Variants in TNKS observed in about 807,000 individuals in gnomAD.
The protein encoded by TNKS is tankyrase.
In TNKS, 72 loss-of-function variants were observed where a neutral mutation model predicts 135.8. That is an observed-to-expected ratio of 0.53 (90% CI 0.44 to 0.64). TNKS has a LOEUF of 0.64. Ranked by LOEUF, TNKS falls within the 30% of genes least tolerant of loss-of-function variation. TNKS has a pLI of 0.00. For missense variants in TNKS, 1,769 were observed against 1,674.0 expected, an observed-to-expected ratio of 1.06 and a Z score of -0.99; for synonymous variants, 849 against 649.3, an observed-to-expected ratio of 1.31 and a Z score of -4.68.
chr8:9,693,769 A>T (rs1031989030), intron 5 of TNKS, among the ~76,000 whole-genome samples: 1 of 152,338 alleles, frequency 6.6e-6, no homozygotes, highest in South Asian at 2.1e-4. Context: ...ACATTGAACA[A>T]TCTTACTACT....
intron 3 of TNKS, among the ~76,000 whole-genome samples, chr8:9,621,520 A>G (rs369386071): frequency 2.6e-5 from 4 of 152,002 alleles, no homozygotes; most frequent in African/African-American, 9.7e-5. Flanking sequence ...TGGTCAGGCT[A>G]GTCTCGAACT....
chr8:9,602,666 T>G (rs1281554831), intron 2 of TNKS, among the ~76,000 whole-genome samples: 1 of 152,232 alleles, frequency 6.6e-6, no homozygotes, highest in Non-Finnish European at 1.5e-5. Context: ...AGACTCTATA[T>G]TTTAGAGTAG....
chr8:9,630,067 C>G (rs1376563563), intron 3 of TNKS, among the ~76,000 whole-genome samples: 2 of 152,188 alleles, frequency 1.3e-5, no homozygotes, highest in Admixed American at 6.5e-5. Flanking sequence ...GGGCTAGTAT[C>G]TAGTCCAGCC....
rs1806344742 is a variant in TNKS at position 9,748,337 on chromosome 8, T to A, written c.2832+125T>A. 6 of 842,526 alleles carry A rather than the reference T, an allele frequency of 7.1e-6. No homozygotes were observed. In the South Asian group the frequency reaches 2.7e-4, roughly 39 times the overall value. The allele number at this position is 842,526 out of a possible 1,614,324, so 52.2% of individuals were successfully genotyped here. ...ACTTAGAACAGAGATCTTCTGAAAA[T>A]TTTTGAAGTTCACACTTTTTCTATG... On this transcript the variant is annotated intron_variant, in intron 18 of 26. Coordinates refer to ENST00000310430, the MANE Select transcript of TNKS (RefSeq NM_003747.3).
In TNKS at chr8:9,680,760, C is replaced by T; in HGVS notation, c.1067C>T (p.Thr356Ile). 1 of 1,612,338 alleles carries T rather than the reference C, an allele frequency of 6.2e-7. No individual in the cohort carries two copies. Among genetic ancestry groups the T allele is most frequent in the Non-Finnish European group, 8.5e-7 (1 of 1,178,978 alleles). ...GNEEKLMALL[T>I]PLNVNCHASD... ...GAAGAAAAACTAATGGCTTTACTGA[C>T]TCCTCTAAATGTGAATTGCCATGCA... The change falls in exon 5 of 27, where the codon ACT becomes ATT. Residue 356 changes from threonine (T) to isoleucine (I), a missense_variant. This residue lies in a region of TNKS where 523 missense variants were observed against 541.0 expected (regional missense o/e 0.97). Coordinates refer to ENST00000310430, the MANE Select transcript of TNKS (RefSeq NM_003747.3).
intron 2 of TNKS, among the ~76,000 whole-genome samples, chr8:9,608,966 C>T (rs1799339969): frequency 6.6e-6 from 1 of 152,138 alleles, no homozygotes; most frequent in South Asian, 2.1e-4. Context: ...TAGTCTGATA[C>T]CAGTTACTCC....
intron 3 of TNKS, among the ~76,000 whole-genome samples, chr8:9,637,275 G>A (rs1334661456): frequency 2.6e-5 from 4 of 152,176 alleles, no homozygotes; most frequent in African/African-American, 9.7e-5. Context: ...TTGCCTGTGA[G>A]TATCATGTTG....
At chr8:9,578,095 G>A (rs1248080499) in intron 1 of TNKS, among the ~76,000 whole-genome samples, 1 of 152,176 alleles carries the variant, frequency 6.6e-6, no homozygotes, top group African/African-American at 2.4e-5. Flanking sequence ...CAAGGGGTGG[G>A]CTCCCAAGGC....
chr8:9,572,100 A>G (rs912635617), intron 1 of TNKS, among the ~76,000 whole-genome samples: 1 of 152,208 alleles, frequency 6.6e-6, no homozygotes, highest in Non-Finnish European at 1.5e-5. Context: ...ATATATAGAC[A>G]TAAGCTCACA....
intron 2 of TNKS, among the ~76,000 whole-genome samples, chr8:9,581,045 G>A (rs907835856): frequency 6.6e-6 from 1 of 152,126 alleles, no homozygotes; most frequent in Non-Finnish European, 1.5e-5. Context: ...TCTCTTGAGT[G>A]TATCATCTGT....
At chr8:9,658,513 C>G (rs887547260) in intron 3 of TNKS, 1 of 492,696 alleles carries the variant, frequency 2.0e-6, no homozygotes, top group Non-Finnish European at 3.4e-6. Context: ...GAAATAAAAT[C>G]CTTTACAGAC....
At chr8:9,632,889 C>A (rs1048922727) in intron 3 of TNKS, among the ~76,000 whole-genome samples, 2 of 152,102 alleles carry the variant, frequency 1.3e-5, no homozygotes, top group Admixed American at 1.3e-4. Flanking sequence ...GCCACCACGC[C>A]CGGCTAATTT....
At chr8:9,621,630 G>C (rs948364885) in intron 3 of TNKS, among the ~76,000 whole-genome samples, 2 of 151,948 alleles carry the variant, frequency 1.3e-5, no homozygotes, top group African/African-American at 2.4e-5. Flanking sequence ...TTAGTTTGCT[G>C]TTTTGCACGT....
rs1362668921 is a variant in TNKS at position 9,749,485 on chromosome 8, T to TC, written c.2832+1278dup. 4.1e-5 allele frequency among the ~76,000 whole-genome samples: 6 copies of TC among 144,920 alleles called. No homozygotes were observed. The South Asian group carries it at 8.9e-4, about 21-fold the overall frequency. On this transcript the variant is annotated intron_variant, in intron 18 of 26. Transcript: ENST00000310430. ...TTTTTTCTTTTCTTTTTTTTTTTTT[T>TC]CCCCCTTAAGACACAGTCTGGCTAT... is the stretch of plus-strand genomic sequence containing the variant.
intron 1 of TNKS, among the ~76,000 whole-genome samples, chr8:9,571,522 A>G (rs35722901): frequency 0.11 from 16,105 of 152,060 alleles, 1,199 homozygotes; most frequent in Admixed American, 0.22. Context: ...CAGTGGTGCA[A>G]TCTTGGCTCA....
At chr8:9,696,620 A>G (rs1049299931) in intron 5 of TNKS, among the ~76,000 whole-genome samples, 7 of 152,194 alleles carry the variant, frequency 4.6e-5, no homozygotes, top group African/African-American at 1.7e-4. Context: ...TACAAAATCC[A>G]TGTACAAAAA....
At chr8:9,606,801 CCT>C (rs1231319515) in intron 2 of TNKS, among the ~76,000 whole-genome samples, 1 of 151,968 alleles carries the variant, frequency 6.6e-6, no homozygotes, top group African/African-American at 2.4e-5. Context: ...TTATTATCTT[CCT>C]CTGAAGAATT....
At chr8:9,774,921 C>G (rs1456642534) in intron 26 of TNKS, among the ~76,000 whole-genome samples, 1 of 152,102 alleles carries the variant, frequency 6.6e-6, no homozygotes, top group African/African-American at 2.4e-5. Flanking sequence ...GGGTGGGCAT[C>G]CACTCATTTT....
intron 2 of TNKS, among the ~76,000 whole-genome samples, chr8:9,610,192 C>G (rs1833059476): frequency 6.8e-6 from 1 of 147,604 alleles, no homozygotes; most frequent in African/African-American, 2.5e-5. Flanking sequence ...GGTAAATCAA[C>G]TTCAGATAAT....
Sources: allele counts gnomAD v4.1 joint callset (sites outside exome capture counted in the v4.1 genomes callset), GRCh38; gene constraint gnomAD v4.1.1; regional missense constraint gnomAD v4.1.1; transcripts MANE v1.5; gene names NCBI Gene and HGNC (gene_info 2026-07-23, HGNC 2026-07-21).